CDH13: variants seen among roughly 807,000 people sequenced by gnomAD.
CDH13 encodes the protein cadherin 13.
A neutral mutation model predicts 63.8 loss-of-function variants in CDH13; 24 were observed. That is an observed-to-expected ratio of 0.38 (90% CI 0.27 to 0.53). The LOEUF is 0.53. Ranked by LOEUF, CDH13 falls within the 20% of genes least tolerant of loss-of-function variation. The pLI, the probability that CDH13 is intolerant of heterozygous loss-of-function variation, is 0.85. For synonymous variants in CDH13, 503 were observed against 355.3 expected (o/e 1.42, Z -4.67); for missense variants, 1,049 against 903.1 (o/e 1.16, Z -2.07).
At chr16:83,327,474 A>G (rs938121323) in intron 5 of CDH13, among the ~76,000 whole-genome samples, 1 of 152,232 alleles carries the variant, frequency 6.6e-6, no homozygotes, top group African/African-American at 2.4e-5. Flanking sequence ...CAAAGCCCTT[A>G]GCTAATTCAT....
At chr16:82,660,488 A>G (rs1008864673) in intron 1 of CDH13, among the ~76,000 whole-genome samples, 3 of 152,172 alleles carry the variant, frequency 2.0e-5, no homozygotes, top group East Asian at 1.9e-4. Flanking sequence ...ACGTCAGTCA[A>G]TCCACAAACC....
chr16:83,089,716 A>G (rs114594538), intron 3 of CDH13, among the ~76,000 whole-genome samples: 2,124 of 152,352 alleles, frequency 0.014, 51 homozygotes, highest in African/African-American at 0.048. Flanking sequence ...ATGGACTTCT[A>G]TCTCACGACT....
rs1915121721 is a variant in CDH13 at position 83,678,197 on chromosome 16, C to T, written c.1285-11C>T. ...GGTGTGCATCCTGAGACCCTTCTGT[C>T]TGCTTTCCAGCCATTGGACTATGAA... is the stretch of plus-strand genomic sequence containing the variant. On this transcript the variant is annotated splice_polypyrimidine_tract_variant and intron_variant, in intron 9 of 13. Transcript: ENST00000567109. 9.3e-6 allele frequency: 15 copies of T among 1,604,598 alleles called. No homozygotes were observed. The highest frequency in any genetic ancestry group is 1.3e-5 in the Non-Finnish European group (15 of 1,172,934).
chr16:83,253,841 T>C (rs571093815), intron 5 of CDH13, among the ~76,000 whole-genome samples: 1 of 152,292 alleles, frequency 6.6e-6, no homozygotes, highest in Admixed American at 6.5e-5. Context: ...TATATTAATA[T>C]AATTAGGAAA....
intron 2 of CDH13, chr16:82,884,275 G>T: frequency 2.2e-6 from 1 of 450,734 alleles, no homozygotes; most frequent in Non-Finnish European, 4.4e-6. Flanking sequence ...GTATAAGATG[G>T]GTTTGTCAGT....
intron 8 of CDH13, among the ~76,000 whole-genome samples, chr16:83,667,134 T>G (rs139207466): frequency 8.9e-4 from 135 of 152,018 alleles, no homozygotes; most frequent in Middle Eastern, 3.4e-3. Context: ...GATGGATAAA[T>G]AGATAGATGG....
At chr16:83,577,402 C>T (rs1221480178) in intron 7 of CDH13, among the ~76,000 whole-genome samples, 1 of 152,198 alleles carries the variant, frequency 6.6e-6, no homozygotes, top group Non-Finnish European at 1.5e-5. Flanking sequence ...TTGGTTCCCT[C>T]CCCAGCAGCT....
intron 10 of CDH13, among the ~76,000 whole-genome samples, chr16:83,685,805 G>A (rs185664514): frequency 2.6e-5 from 4 of 152,140 alleles, no homozygotes; most frequent in East Asian, 3.8e-4. Context: ...GCTGGATTCC[G>A]CCAGAAACCC....
intron 1 of CDH13, among the ~76,000 whole-genome samples, chr16:82,653,376 G>C (rs1371213593): frequency 1.3e-5 from 2 of 152,196 alleles, no homozygotes; most frequent in South Asian, 2.1e-4. Flanking sequence ...AGGTGTGTTG[G>C]AAATACAGAG....
At chr16:83,228,529 G>T (rs2151800105) in intron 5 of CDH13, among the ~76,000 whole-genome samples, 1 of 152,350 alleles carries the variant, frequency 6.6e-6, no homozygotes, top group African/African-American at 2.4e-5. Context: ...ATCTTGTGAG[G>T]AGGGTCATGT....
intron 3 of CDH13, among the ~76,000 whole-genome samples, chr16:83,084,125 G>A (rs943014378): frequency 6.6e-6 from 1 of 152,150 alleles, no homozygotes; most frequent in Non-Finnish European, 1.5e-5. Flanking sequence ...GATGTTATAG[G>A]TAGCGCTCTT....
intron 7 of CDH13, among the ~76,000 whole-genome samples, chr16:83,550,595 G>C (rs2075472470): frequency 6.6e-6 from 1 of 152,216 alleles, no homozygotes; most frequent in Non-Finnish European, 1.5e-5. Flanking sequence ...TGCTGATGCA[G>C]CTGTGGGCAC....
At chr16:83,139,253 G>A (rs535623929) in intron 4 of CDH13, among the ~76,000 whole-genome samples, 17 of 152,322 alleles carry the variant, frequency 1.1e-4, no homozygotes, top group East Asian at 9.7e-4. Context: ...GAACACCAGC[G>A]TGTCACACGT....
At chr16:82,836,951 T>C (rs557906558) in intron 1 of CDH13, among the ~76,000 whole-genome samples, 1 of 152,364 alleles carries the variant, frequency 6.6e-6, no homozygotes, top group African/African-American at 2.4e-5. Context: ...CAAATCTTAA[T>C]AGTCTTTCTT....
chr16:83,409,638 A>G (rs1393589204), intron 6 of CDH13, among the ~76,000 whole-genome samples: 2 of 152,236 alleles, frequency 1.3e-5, no homozygotes, highest in Non-Finnish European at 2.9e-5. Context: ...AATTACCAAC[A>G]TGCATCTGCC....
rs145246687 is a variant in CDH13, at chr16:83,722,745, G to A, written c.1539-25363G>A. Among the ~76,000 whole-genome samples the A allele has an allele frequency of 2.1e-3, 324 of 152,348 alleles. 2 individuals are homozygous for A. The highest frequency in any genetic ancestry group is 7.3e-3 in the African/African-American group (303 of 41,592). The stretch of plus-strand genomic sequence containing the variant: ...GTCACCACGTCTTATTCAGGTTACA[G>A]TGCTGAGCTATTTGGAAACCAGGCT... On this transcript the variant is annotated intron_variant, in intron 10 of 13. Coordinates refer to ENST00000567109, the MANE Select transcript of CDH13 (RefSeq NM_001257.5).
intron 1 of CDH13, among the ~76,000 whole-genome samples, chr16:82,682,410 C>A (rs923910526): frequency 7.9e-5 from 12 of 152,152 alleles, no homozygotes; most frequent in East Asian, 3.9e-4. Context: ...GAGGAGAGGC[C>A]ACCTATTGGA....
intron 3 of CDH13, among the ~76,000 whole-genome samples, chr16:83,040,079 C>T: frequency 6.6e-6 from 1 of 151,680 alleles, no homozygotes; most frequent in East Asian, 2.0e-4. Flanking sequence ...AAGGCCCTCG[C>T]TCCCATGCAG....
At chr16:83,503,669 TG>T (rs943045408) in intron 7 of CDH13, among the ~76,000 whole-genome samples, 2 of 152,198 alleles carry the variant, frequency 1.3e-5, no homozygotes, top group Non-Finnish European at 2.9e-5. Context: ...TTTTTCCAAA[TG>T]TTTTTTGGCC....
Sources: gnomAD v4.1 joint callset for allele counts (sites outside exome capture counted in the v4.1 genomes callset) on GRCh38, gnomAD v4.1.1 for gene constraint, MANE v1.5 for transcripts, NCBI Gene and HGNC (gene_info 2026-07-23, HGNC 2026-07-21) for gene names.